Variants in SPINK2 observed in about 807,000 individuals in gnomAD.
The protein encoded by SPINK2 is serine peptidase inhibitor Kazal type 2, also known as serine protease inhibitor Kazal-type 2.
SPINK2 carries 8 observed loss-of-function variants against 13.5 expected under a neutral mutation model. That is an observed-to-expected ratio of 0.59 (90% confidence interval 0.35 to 1.07). SPINK2 has a LOEUF of 1.07. Ranked by LOEUF, SPINK2 falls within the 50% of genes least tolerant of loss-of-function variation. The probability of loss-of-function intolerance (pLI) is 0.02; values close to 1 mark genes in which losing one functional copy is unlikely to be tolerated. For missense variants in SPINK2, 148 were observed against 180.3 expected (o/e 0.82, Z 1.03); for synonymous variants, 76 against 74.7 (o/e 1.02, Z -0.09).
intron 2 of SPINK2, among the ~76,000 whole-genome samples, chr4:56,814,074 C>G (rs942073666): frequency 4.6e-5 from 7 of 151,918 alleles, no homozygotes; most frequent in African/African-American, 1.5e-4. Context: ...AAGGCACCCA[C>G]CACCACGCCC....
intron 2 of SPINK2, among the ~76,000 whole-genome samples, chr4:56,817,987 A>T (rs1489751238): frequency 6.6e-6 from 1 of 152,244 alleles, no homozygotes; most frequent in Non-Finnish European, 1.5e-5. Flanking sequence ...AAGTCCTTGA[A>T]GATTTTGCAC....
At position 56,820,598 on chromosome 4, in the gene SPINK2, G is replaced by A. The variant is rs1167532115; in HGVS notation, c.206-19C>T. 6.3e-7 allele frequency: 1 copy of A among 1,595,194 alleles called. No homozygotes were observed. The highest frequency in any genetic ancestry group is 2.2e-5 in the East Asian group (1 of 44,810). On this transcript the variant is annotated intron_variant, in intron 1 of 3. Coordinates refer to ENST00000506738, the MANE Select transcript of SPINK2 (RefSeq NM_001271718.2). ...AGAGAGGCTGTAAGAAGAAAGCATA[G>A]ACATTTTACAGTATAGGATCAAGGT...
intron 2 of SPINK2, among the ~76,000 whole-genome samples, chr4:56,813,948 A>C (rs1157828561): frequency 2.8e-4 from 38 of 134,964 alleles, no homozygotes; most frequent in African/African-American, 9.4e-4. Flanking sequence ...TTTTGAGACA[A>C]AGTCTCACTC....
chr4:56,809,860 C>G (rs1273381300), downstream of SPINK2: 1 of 721,886 alleles, frequency 1.4e-6, no homozygotes, highest in East Asian at 3.0e-5. Context: ...ACAGTAGGAA[C>G]TGAATTCAAT....
intron 2 of SPINK2, among the ~76,000 whole-genome samples, chr4:56,817,244 T>C (rs1337686304): frequency 6.6e-6 from 1 of 152,092 alleles, no homozygotes; most frequent in Non-Finnish European, 1.5e-5. Flanking sequence ...ATTTACAAAG[T>C]GTAAGACATG....
chr4:56,820,250 C>A (rs544449863), intron 2 of SPINK2, among the ~76,000 whole-genome samples: 12 of 152,174 alleles, frequency 7.9e-5, no homozygotes, highest in Non-Finnish European at 1.5e-5. Context: ...CCATTTACAT[C>A]CTCAGAATTT....
At chr4:56,811,885 A>T in intron 2 of SPINK2, 91 bp from the exon 3 acceptor site, 1 of 453,178 alleles carries the variant, frequency 2.2e-6, no homozygotes, top group Non-Finnish European at 3.8e-6. Flanking sequence ...ATCTCCCTAG[A>T]TTTCCTAGAA....
chr4:56,817,579 G>A (rs116111082), intron 2 of SPINK2, among the ~76,000 whole-genome samples: 7,883 of 152,170 alleles, frequency 0.052, 373 homozygotes, highest in African/African-American at 0.12. Flanking sequence ...GGCCGGGTGC[G>A]GTGGTTCACG....
At chr4:56,820,023 A>G (rs1218316249) in intron 2 of SPINK2, among the ~76,000 whole-genome samples, 1 of 152,158 alleles carries the variant, frequency 6.6e-6, no homozygotes, top group Non-Finnish European at 1.5e-5. Context: ...AACCCATACC[A>G]TAGAATGTTG....
At chr4:56,816,302 A>G (rs1157848563) in intron 2 of SPINK2, among the ~76,000 whole-genome samples, 2 of 152,048 alleles carry the variant, frequency 1.3e-5, no homozygotes, top group African/African-American at 2.4e-5. Flanking sequence ...CCTTAATCTC[A>G]GCACTTTGGG....
chr4:56,816,359 A>G (rs1717448216), intron 2 of SPINK2, among the ~76,000 whole-genome samples: 1 of 151,852 alleles, frequency 6.6e-6, no homozygotes, highest in Non-Finnish European at 1.5e-5. Flanking sequence ...TGTCTCTACT[A>G]AAAAAATATA....
intron 2 of SPINK2, among the ~76,000 whole-genome samples, chr4:56,819,622 T>TC (rs1717763401): frequency 2.0e-5 from 3 of 149,852 alleles, no homozygotes; most frequent in African/African-American, 7.4e-5. Flanking sequence ...TTCTTTCTTT[T>TC]TTTTTTTTTT....
At chr4:56,819,643 TCTCA>T (rs1717765633) in intron 2 of SPINK2, among the ~76,000 whole-genome samples, 2 of 148,620 alleles carry the variant, frequency 1.3e-5, no homozygotes, top group Non-Finnish European at 3.0e-5. Context: ...TGAGATGAAG[TCTCA>T]CTCTGTTGTC....
At chr4:56,813,919 C>CTT (rs71194126) in intron 2 of SPINK2, among the ~76,000 whole-genome samples, 94 of 97,092 alleles carry the variant, frequency 9.7e-4, no homozygotes, top group East Asian at 1.8e-3. Flanking sequence ...GCACCTGGCC[C>CTT]TTTTTTTTTT....
intron 2 of SPINK2, among the ~76,000 whole-genome samples, chr4:56,817,188 C>T (rs920276699): frequency 1.3e-5 from 2 of 151,970 alleles, no homozygotes; most frequent in African/African-American, 2.4e-5. Context: ...AGCGATAGAG[C>T]GAGACTCCAT....
intron 2 of SPINK2, among the ~76,000 whole-genome samples, chr4:56,813,526 G>A (rs565024261): frequency 1.3e-5 from 2 of 152,074 alleles, no homozygotes; most frequent in Non-Finnish European, 2.9e-5. Flanking sequence ...TCTGCCTCCT[G>A]TCAGGTCAGC....
intron 3 of SPINK2, 28 bp from the exon 4 acceptor site, chr4:56,810,212 A>G: frequency 6.4e-7 from 1 of 1,574,296 alleles, no homozygotes; most frequent in Non-Finnish European, 8.7e-7. Context: ...ATAGAAATAC[A>G]TTTATTACCT....
chr4:56,814,212 G>A (rs531248593), intron 2 of SPINK2, among the ~76,000 whole-genome samples: 2 of 151,964 alleles, frequency 1.3e-5, no homozygotes, highest in South Asian at 2.1e-4. Flanking sequence ...ATGAGCCGCC[G>A]CACCCTGCCG....
chr4:56,821,708 G>A, upstream of SPINK2: 1 of 1,423,432 alleles, frequency 7.0e-7, no homozygotes, highest in Admixed American at 2.9e-5. Context: ...TGTTACCTGC[G>A]CCACTCGCAG....
Sources: gnomAD v4.1 joint callset for allele counts (sites outside exome capture counted in the v4.1 genomes callset) on GRCh38, gnomAD v4.1.1 for gene constraint, MANE v1.5 for transcripts, NCBI Gene and HGNC (gene_info 2026-07-23, HGNC 2026-07-21) for gene names.